CPNE4: variants seen among roughly 807,000 people sequenced by gnomAD.
CPNE4 encodes copine-4.
CPNE4 carries 25 observed loss-of-function variants against 67.9 expected under a neutral mutation model. That is an observed-to-expected ratio of 0.37 (90% CI 0.27 to 0.51). The LOEUF is 0.51. Among genes scored for constraint, CPNE4 ranks in the 20% least tolerant of loss-of-function variants. CPNE4 has a pLI of 0.93. For synonymous variants in CPNE4, 242 were observed against 244.9 expected, an observed-to-expected ratio of 0.99 and a Z score of 0.11; for missense variants, 464 against 690.8, an observed-to-expected ratio of 0.67 and a Z score of 3.68.
intron 1 of CPNE4, among the ~76,000 whole-genome samples, chr3:131,977,591 T>C (rs907251511): frequency 2.0e-4 from 30 of 151,830 alleles, no homozygotes; most frequent in African/African-American, 7.3e-4. Flanking sequence ...CACAAACACA[T>C]ACAATAGAAA....
At chr3:131,589,260 G>C (rs1302879610) in intron 7 of CPNE4, among the ~76,000 whole-genome samples, 1 of 152,156 alleles carries the variant, frequency 6.6e-6, no homozygotes, top group African/African-American at 2.4e-5. Context: ...TTCAGTCTGT[G>C]GCTGAAGGTC....
At chr3:131,542,317 C>T (rs1367941188) in intron 15 of CPNE4, among the ~76,000 whole-genome samples, 1 of 152,036 alleles carries the variant, frequency 6.6e-6, no homozygotes, top group Non-Finnish European at 1.5e-5. Flanking sequence ...TGATCTGTAA[C>T]TCAATTTATA....
At chr3:131,776,932 G>T (rs891080389) in intron 2 of CPNE4, among the ~76,000 whole-genome samples, 1 of 152,146 alleles carries the variant, frequency 6.6e-6, no homozygotes, top group Non-Finnish European at 1.5e-5. Flanking sequence ...AGGTATGACA[G>T]GGCAATTCAT....
In CPNE4 at chr3:131,559,231, T is replaced by C. The variant is rs576416739; in HGVS notation, c.1062-3680A>G. ...TTGGCCATTATGTAATTTTTTTTGGTATATAACTTAAACTTGAAAGAATTG... is the reference window on the plus strand; with the variant it reads ...TTGGCCATTATGTAATTTTTTTTGGCATATAACTTAAACTTGAAAGAATTG... On this transcript the variant is annotated intron_variant, in intron 11 of 15. Coordinates refer to ENST00000429747, the MANE Select transcript of CPNE4 (RefSeq NM_130808.3). Among the ~76,000 whole-genome samples the C allele has an allele frequency of 3.9e-5, 6 of 152,154 alleles. No individual in the cohort carries two copies. The South Asian group carries it at 1.2e-3, about 32-fold the overall frequency.
At chr3:131,670,934 A>C (rs147992301) in intron 6 of CPNE4, among the ~76,000 whole-genome samples, 3,844 of 152,066 alleles carry the variant, frequency 0.025, 113 homozygotes, top group African/African-American at 0.074. Context: ...GATTACAGGC[A>C]TGTGCCACCA....
intron 1 of CPNE4, among the ~76,000 whole-genome samples, chr3:131,934,226 C>G (rs1330536333): frequency 2.6e-5 from 4 of 152,042 alleles, no homozygotes; most frequent in African/African-American, 9.7e-5. Flanking sequence ...TTGACTTTAA[C>G]AAGATCAGTT....
chr3:131,945,869 G>A (rs894493649), intron 1 of CPNE4, among the ~76,000 whole-genome samples: 5 of 152,270 alleles, frequency 3.3e-5, no homozygotes, highest in African/African-American at 9.6e-5. Flanking sequence ...AAAGATTCCA[G>A]GACACTGCCC....
intron 7 of CPNE4, among the ~76,000 whole-genome samples, chr3:131,668,788 C>T (rs28557290): frequency 0.33 from 50,120 of 151,976 alleles, 8,641 homozygotes; most frequent in African/African-American, 0.4. Flanking sequence ...GAAATCTGCT[C>T]CTGGCGTTCA....
intron 2 of CPNE4, among the ~76,000 whole-genome samples, chr3:131,785,511 T>C (rs1381658764): frequency 6.6e-6 from 1 of 152,112 alleles, no homozygotes; most frequent in African/African-American, 2.4e-5. Context: ...CTATTTCCAT[T>C]CTTTCTTATT....
upstream of CPNE4, chr3:132,035,028 C>A (rs567433448): frequency 1.0e-6 from 1 of 985,404 alleles, no homozygotes; most frequent in Non-Finnish European, 1.2e-6. Flanking sequence ...TCCCATGCAC[C>A]CAGCAACCCG....
At position 131,719,099 on chromosome 3, in the gene CPNE4, T is replaced by C. The variant is rs2081815847; in HGVS notation, c.360+4347A>G. Among the ~76,000 whole-genome samples the C allele has an allele frequency of 1.3e-5, 2 of 152,130 alleles. 1 individual carries two copies. Among genetic ancestry groups the C allele is most frequent in the South Asian group, 4.1e-4 (2 of 4,824 alleles). ...GAGAGGCCAGCATGTCACCTCAAAG[T>C]GGATCAGTACAGTTTGGGAAACATG... On this transcript the variant is annotated intron_variant, in intron 3 of 15. Coordinates refer to ENST00000429747, the MANE Select transcript of CPNE4 (RefSeq NM_130808.3).
chr3:131,837,325 G>T (rs1406446773), intron 2 of CPNE4, among the ~76,000 whole-genome samples: 1 of 152,100 alleles, frequency 6.6e-6, no homozygotes, highest in Non-Finnish European at 1.5e-5. Flanking sequence ...TGAATAAATT[G>T]TTGGATGTCT....
intron 11 of CPNE4, among the ~76,000 whole-genome samples, chr3:131,562,761 C>CGGGT (rs1936841069): frequency 1.3e-5 from 2 of 152,118 alleles, no homozygotes; most frequent in East Asian, 3.9e-4. Context: ...TCTAGGAACC[C>CGGGT]CCTCACCCAC....
intron 6 of CPNE4, among the ~76,000 whole-genome samples, chr3:131,685,524 C>A (rs919041499): frequency 6.6e-6 from 1 of 152,130 alleles, no homozygotes; most frequent in African/African-American, 2.4e-5. Flanking sequence ...TGGCTCACGC[C>A]TGTAATCCCA....
At chr3:132,008,697 C>A (rs1280983478) in intron 1 of CPNE4, among the ~76,000 whole-genome samples, 1 of 152,038 alleles carries the variant, frequency 6.6e-6, no homozygotes, top group Admixed American at 6.6e-5. Flanking sequence ...AAGAAGAGCT[C>A]CCTAAACTTC....
chr3:131,965,318 A>G (rs2107931750), intron 1 of CPNE4, among the ~76,000 whole-genome samples: 1 of 152,354 alleles, frequency 6.6e-6, no homozygotes, highest in African/African-American at 2.4e-5. Flanking sequence ...TGCATCAACT[A>G]ATGTGCAAAA....
chr3:131,826,403 G>T (rs1254852143), intron 2 of CPNE4, among the ~76,000 whole-genome samples: 1 of 151,932 alleles, frequency 6.6e-6, no homozygotes, highest in Non-Finnish European at 1.5e-5. Flanking sequence ...TCACTATATT[G>T]CCCAGGCTGC....
At chr3:131,777,377 G>GGTTTT (rs200680499) in intron 2 of CPNE4, among the ~76,000 whole-genome samples, 6 of 121,610 alleles carry the variant, frequency 4.9e-5, no homozygotes, top group Non-Finnish European at 7.5e-5. Flanking sequence ...AGCATTTCAA[G>GGTTTT]GTTTTTTTTT....
chr3:131,603,215 A>G (rs781653805), intron 7 of CPNE4, among the ~76,000 whole-genome samples: 2 of 152,194 alleles, frequency 1.3e-5, no homozygotes, highest in Non-Finnish European at 2.9e-5. Context: ...GGGAAATGAT[A>G]TATGTGCAGT....
Sources: allele counts gnomAD v4.1 joint callset (sites outside exome capture counted in the v4.1 genomes callset), GRCh38; gene constraint gnomAD v4.1.1; transcripts MANE v1.5; gene names NCBI Gene and HGNC (gene_info 2026-07-23, HGNC 2026-07-21).